The following BCLAF1 variants were observed in gnomAD, a reference collection of about 807,000 sequenced individuals.
BCLAF1 encodes bcl-2-associated transcription factor 1.
A neutral mutation model predicts 99.5 loss-of-function variants in BCLAF1; 10 were observed. That is an observed-to-expected ratio of 0.10 (90% CI 0.06 to 0.17). BCLAF1 has a LOEUF of 0.17. Among genes scored for constraint, BCLAF1 ranks in the 10% least tolerant of loss-of-function variants. The pLI is 1.00. For synonymous variants in BCLAF1, 255 were observed against 370.9 expected, an observed-to-expected ratio of 0.69 and a Z score of 3.59; for missense variants, 636 against 1,105.8, an observed-to-expected ratio of 0.58 and a Z score of 6.02.
chr6:136,284,010 A>C (rs534638498), intron 1 of BCLAF1, among the ~76,000 whole-genome samples: 7 of 151,642 alleles, frequency 4.6e-5, no homozygotes, highest in Non-Finnish European at 4.4e-5. Context: ...CTGACCTGGA[A>C]AGTCATTACT....
At chr6:136,271,944 C>T (rs139093461) in intron 8 of BCLAF1, 51 bp downstream of exon 8, 18 of 1,315,512 alleles carry the variant, frequency 1.4e-5, no homozygotes, top group Non-Finnish European at 2.0e-5. Flanking sequence ...GGTACAATAT[C>T]ATTAACTAAG....
intron 11 of BCLAF1, among the ~76,000 whole-genome samples, chr6:136,262,146 C>T (rs1781094515): frequency 6.6e-6 from 1 of 152,092 alleles, no homozygotes; most frequent in Non-Finnish European, 1.5e-5. Flanking sequence ...TATTCAAATA[C>T]AGATGATCCC....
rs1780765528 is a variant in BCLAF1, at chr6:136,259,940, T to G, written c.*1170A>C. ...CAAAAGATAATTCACATTTGAAAAA[T>G]TATCTACCTGAAGAATAGAACTCTT... is the stretch of plus-strand genomic sequence containing the variant. On this transcript the variant is annotated 3_prime_UTR_variant, in exon 13 of 13. Transcript: ENST00000531224. 1.3e-5 allele frequency: 2 copies of G among 151,858 alleles called. No individual in the cohort carries two copies. The highest frequency in any genetic ancestry group is 2.9e-5 in the Non-Finnish European group (2 of 67,870). The allele number at this position is 151,858 out of a possible 1,614,324, so 9.4% of individuals were successfully genotyped here. A position where few individuals can be genotyped will look rare whatever the true frequency, so the allele number is the denominator to read the frequency against.
At chr6:136,269,168 T>C in intron 9 of BCLAF1, 5 of 1,292,574 alleles carry the variant, frequency 3.9e-6, no homozygotes, top group Non-Finnish European at 4.9e-6. Flanking sequence ...ATGCACTGCA[T>C]TGAAGTCCAA....
Position 136,275,439 on chromosome 6 carries a change from C to G in BCLAF1, c.1852+93G>C, listed in dbSNP as rs966328405. 143 of 1,251,210 alleles carry G rather than the reference C, an allele frequency of 1.1e-4. 2 individuals carry two copies. The Admixed American group carries it at 3.9e-3, about 34-fold the overall frequency. The allele number at this position is 1,251,210 out of a possible 1,614,324, so 77.5% of individuals were successfully genotyped here. A position where few individuals can be genotyped will look rare whatever the true frequency, so the allele number is the denominator to read the frequency against. On this transcript the variant is annotated intron_variant, in intron 6 of 12. Transcript: ENST00000531224. ...TAATATTGGATGTATATTTGCTAGC[C>G]CTGGGGTACATGAATTATTAAGCAT...
chr6:136,274,320 A>C (rs1782952498), intron 6 of BCLAF1: 2 of 322,396 alleles, frequency 6.2e-6, no homozygotes. Context: ...AAAAAGAAAA[A>C]AGAAAAAGGA....
chr6:136,268,108 C>G (rs1174919070), intron 10 of BCLAF1, 54 bp downstream of exon 10: 15 of 1,444,164 alleles, frequency 1.0e-5, no homozygotes, highest in Non-Finnish European at 1.4e-5. Flanking sequence ...TCCTTATGTA[C>G]AGTACTCTAA....
chr6:136,269,107 T>G, intron 9 of BCLAF1: 1 of 1,161,870 alleles, frequency 8.6e-7, no homozygotes, highest in Non-Finnish European at 1.1e-6. Flanking sequence ...GTTGAAAAAG[T>G]GCGGAATCAA....
Position 136,258,057 on chromosome 6 carries a change from G to T in BCLAF1, c.*3053C>A, listed in dbSNP as rs1780564532. ...TCACAGAATTTTTAAGGACTAATTTGCCATTTGTATGAGTCAAAATGTGTC... is the reference window on the plus strand; with the variant it reads ...TCACAGAATTTTTAAGGACTAATTTTCCATTTGTATGAGTCAAAATGTGTC... On this transcript the variant is annotated 3_prime_UTR_variant, in exon 13 of 13. Coordinates refer to ENST00000531224, the MANE Select transcript of BCLAF1 (RefSeq NM_014739.3). 2 of 151,984 alleles carry T rather than the reference G, an allele frequency of 1.3e-5. No individual in the cohort carries two copies. The highest frequency in any genetic ancestry group is 4.8e-5 in the African/African-American group (2 of 41,400). The allele number at this position is 151,984 out of a possible 1,614,324, so 9.4% of individuals were successfully genotyped here. A position where few individuals can be genotyped will look rare whatever the true frequency, so the allele number is the denominator to read the frequency against.
At chr6:136,284,128 G>GTATATATATATATATATATATA (rs1242722909) in intron 1 of BCLAF1, among the ~76,000 whole-genome samples, 28 of 81,336 alleles carry the variant, frequency 3.4e-4, no homozygotes, top group African/African-American at 1.2e-3. Context: ...GTGTGTGTGT[G>GTATATATATATATATATATATA]TGTATATATA....
Position 136,261,251 on chromosome 6 carries a change from T to C in BCLAF1, c.2757+14A>G, listed in dbSNP as rs777244187. The C allele has an allele frequency of 1.7e-5, 27 of 1,607,290 alleles. No homozygotes were observed. The highest frequency in any genetic ancestry group is 3.4e-5 in the Admixed American group (2 of 58,720). On this transcript the variant is annotated intron_variant, in intron 12 of 12. Coordinates refer to ENST00000531224, the MANE Select transcript of BCLAF1 (RefSeq NM_014739.3). ...AAAAAAAATCTGTCAGAATCACAAG[T>C]TGAAATTTTATACCTTTTCTTCCTT...
At position 136,261,400 on chromosome 6, in the gene BCLAF1, C is replaced by A. The variant is rs372350847; in HGVS notation, c.2622G>T (p.Gly874=). Residue 874 remains glycine, a synonymous_variant, in exon 12 of 13, where the codon GGG becomes GGT. Transcript: ENST00000531224. The part of the protein sequence containing the change: ...RGRGTFQRGR[G]RFNFKKSGSS... The stretch of plus-strand genomic sequence containing the variant: ...TACCTGATTTTTTGAAGTTAAAGCG[C>A]CCTCTGCCACGTTGAAAAGTACCAC... 1 of 1,613,792 alleles carries A rather than the reference C, an allele frequency of 6.2e-7. No homozygotes were observed. The highest frequency in any genetic ancestry group is 8.5e-7 in the Non-Finnish European group (1 of 1,179,850).
At chr6:136,273,428 T>C in intron 6 of BCLAF1, 1 of 408,302 alleles carries the variant, frequency 2.4e-6, no homozygotes, top group Admixed American at 4.2e-5. Flanking sequence ...AATTAATAGA[T>C]TAAATCAAGA....
At chr6:136,265,015 G>A (rs1036816198) in intron 11 of BCLAF1, among the ~76,000 whole-genome samples, 2 of 152,156 alleles carry the variant, frequency 1.3e-5, no homozygotes, top group Non-Finnish European at 2.9e-5. Flanking sequence ...TCAAGAGAAT[G>A]CCATAGAAAA....
In BCLAF1 at chr6:136,265,500, T is replaced by C. The variant is rs566783986; in HGVS notation, c.2544+1529A>G. ...ATATTCTCTCAAATTGCTTAACTTT[T>C]AACACCCATGATTTTTGTAAACTCT... On this transcript the variant is annotated intron_variant, in intron 11 of 12. Transcript: ENST00000531224. 4.6e-5 allele frequency among the ~76,000 whole-genome samples: 7 copies of C among 152,302 alleles called. 1 individual carries two copies. The East Asian group carries it at 1.4e-3, about 29-fold the overall frequency.
chr6:136,274,128 T>A, intron 6 of BCLAF1: 1 of 1,288,954 alleles, frequency 7.8e-7, no homozygotes, highest in Non-Finnish European at 1.0e-6. Context: ...TTTGCCTGTA[T>A]CTTTCAACAG....
rs1780535077 is a variant in BCLAF1, at chr6:136,257,639, T to A, written c.*3471A>T. 1 of 152,162 alleles carries A rather than the reference T, an allele frequency of 6.6e-6. No homozygotes were observed. The highest frequency in any genetic ancestry group is 1.5e-5 in the Non-Finnish European group (1 of 67,982). The allele number at this position is 152,162 out of a possible 1,614,324, so 9.4% of individuals were successfully genotyped here. A position where few individuals can be genotyped will look rare whatever the true frequency, so the allele number is the denominator to read the frequency against. ...AACATTTAATAATAGTATCAACTAT[T>A]TGAGAACTCTAAACATGTAATGGAT... On this transcript the variant is annotated 3_prime_UTR_variant, in exon 13 of 13. Coordinates refer to ENST00000531224, the MANE Select transcript of BCLAF1 (RefSeq NM_014739.3).
rs749210382 is a variant in BCLAF1, at chr6:136,276,437, T to C, written c.1088A>G (p.Glu363Gly). ...TGCCCTCCCTTTCTCTGATCCTTTC[T>C]CTTTTGAAGCCTCTTTATCCCTGGT... The part of the protein sequence containing the change: ...GNTRDKEASK[E>G]KGSEKGRAEG... The change falls in exon 5 of 13, where the codon GAG becomes GGG. Residue 363 changes from glutamate (E) to glycine (G), a missense_variant. Glu to Gly is a moderately conservative substitution (Grantham distance 98, BLOSUM62 -2). Around this residue, in one of 9 missense-constraint regions of BCLAF1, gnomAD observed 186 missense variants for 275.3 expected, o/e 0.68. Coordinates refer to ENST00000531224, the MANE Select transcript of BCLAF1 (RefSeq NM_014739.3). 6.5e-7 allele frequency: 1 copy of C among 1,534,124 alleles called. No homozygotes were observed. Among genetic ancestry groups the C allele is most frequent in the Non-Finnish European group, 8.7e-7 (1 of 1,151,360 alleles).
intron 6 of BCLAF1, among the ~76,000 whole-genome samples, chr6:136,275,201 C>A (rs139019956): frequency 1.3e-4 from 20 of 152,216 alleles, no homozygotes; most frequent in African/African-American, 4.8e-4. Flanking sequence ...GAAAGACTAT[C>A]TGTAAGCCTT....
Sources: gnomAD v4.1 joint callset for allele counts (sites outside exome capture counted in the v4.1 genomes callset) on GRCh38, gnomAD v4.1.1 for gene constraint, gnomAD v4.1.1 regional missense constraint, MANE v1.5 for transcripts, NCBI Gene and HGNC (gene_info 2026-07-23, HGNC 2026-07-21) for gene names.